The following HERC1 variants were observed in gnomAD, a reference collection of about 807,000 sequenced individuals.
The protein encoded by HERC1 is probable E3 ubiquitin-protein ligase HERC1.
HERC1 carries 160 observed loss-of-function variants against 554.3 expected under a neutral mutation model. The ratio of observed to expected loss-of-function variants is 0.29; its 90% CI spans 0.25 to 0.33. The LOEUF (loss-of-function observed/expected upper bound fraction) is 0.33, where lower values mean the gene tolerates loss of function less well. HERC1 is among the 10% of genes least tolerant of loss of function. HERC1 has a pLI of 1.00. For missense variants in HERC1, 4,919 were observed against 5,918.5 expected (o/e 0.83, Z 5.54); for synonymous variants, 2,175 against 2,131.7 (o/e 1.02, Z -0.56).
chr15:63,821,538 G>A (rs1247841718), intron 1 of HERC1, among the ~76,000 whole-genome samples: 1 of 141,166 alleles, frequency 7.1e-6, no homozygotes, highest in Non-Finnish European at 1.5e-5. Context: ...CCTGGTAACA[G>A]AGTGAGACTC....
intron 3 of HERC1, among the ~76,000 whole-genome samples, chr15:63,761,191 C>T (rs9672729): frequency 0.26 from 39,424 of 151,964 alleles, 5,630 homozygotes; most frequent in Middle Eastern, 0.38. Flanking sequence ...GAGAATGACC[C>T]TCAAACTATC....
rs2074010573 is a variant in HERC1 at position 63,725,654 on chromosome 15, G to A, written c.3347-141C>T. On this transcript the variant is annotated intron_variant, in intron 17 of 77. Coordinates refer to ENST00000443617, the MANE Select transcript of HERC1 (RefSeq NM_003922.4). ...GAAAACACAAATTATAATACTTTCT[G>A]TATTTTTTCTCTTTACCAGACTGAT... is the stretch of plus-strand genomic sequence containing the variant. 3 of 648,512 alleles carry A rather than the reference G, an allele frequency of 4.6e-6. No individual in the cohort carries two copies. The South Asian group carries it at 6.1e-5, about 13-fold the overall frequency. 40.2% of individuals were successfully genotyped at this position (648,512 alleles called of 1,614,324 possible). A position where few individuals can be genotyped will look rare whatever the true frequency, so the allele number is the denominator to read the frequency against.
rs572352720 is a variant in HERC1, at chr15:63,746,543, T to C, written c.2520+375A>G. ...TAGCTCTGGTTACAGTTCTAGTAGA[T>C]GATCCAGTCCACTTATTCAGTTACT... On this transcript the variant is annotated intron_variant, in intron 12 of 77. Coordinates refer to ENST00000443617, the MANE Select transcript of HERC1 (RefSeq NM_003922.4). 1.3e-4 allele frequency among the ~76,000 whole-genome samples: 20 copies of C among 152,352 alleles called. No individual in the cohort carries two copies. In the South Asian group the frequency reaches 3.5e-3, roughly 27 times the overall value.
In HERC1 at chr15:63,662,027, C is replaced by CA; in HGVS notation, c.8902-7dup. 1 of 1,606,450 alleles carries CA rather than the reference C, an allele frequency of 6.2e-7. No individual in the cohort carries two copies. The highest frequency in any genetic ancestry group is 8.5e-7 in the Non-Finnish European group (1 of 1,173,610). On this transcript the variant is annotated splice_polypyrimidine_tract_variant and splice_region_variant and intron_variant, in intron 44 of 77. Coordinates refer to ENST00000443617, the MANE Select transcript of HERC1 (RefSeq NM_003922.4). The stretch of plus-strand genomic sequence containing the variant: ...TCTTCAGACTCACAAACATGCTGCA[C>CA]AAAAGGATTTCATACCAAATGATTA...
chr15:63,657,448 G>T (rs574237837), intron 48 of HERC1, among the ~76,000 whole-genome samples: 5 of 151,918 alleles, frequency 3.3e-5, no homozygotes, highest in African/African-American at 1.2e-4. Context: ...CCTCTTTTGT[G>T]AAACACTTCT....
intron 54 of HERC1, 36 bp from the exon 55 acceptor site, chr15:63,648,235 A>C: frequency 6.4e-7 from 1 of 1,564,654 alleles, no homozygotes; most frequent in South Asian, 1.2e-5. Flanking sequence ...AGGAAAAGAT[A>C]ATTATTTGTC....
chr15:63,690,288 TAAGA>T (rs1030139613), intron 32 of HERC1, among the ~76,000 whole-genome samples: 7 of 152,154 alleles, frequency 4.6e-5, no homozygotes, highest in African/African-American at 1.7e-4. Context: ...CCAAACCTAG[TAAGA>T]AATTCCAGAT....
At chr15:63,738,614 C>G (rs146534491) in intron 12 of HERC1, among the ~76,000 whole-genome samples, 1 of 151,974 alleles carries the variant, frequency 6.6e-6, no homozygotes, top group Non-Finnish European at 1.5e-5. Flanking sequence ...GGAAAGCATA[C>G]AAGAAACAGC....
intron 73 of HERC1, 66 bp from the exon 74 acceptor site, chr15:63,622,957 T>C: frequency 3.5e-6 from 3 of 856,912 alleles, no homozygotes; most frequent in Non-Finnish European, 5.5e-6. Flanking sequence ...ACAAACCAAT[T>C]ACAAGATCAT....
chr15:63,717,526 T>C (rs1392988969), intron 21 of HERC1, among the ~76,000 whole-genome samples: 1 of 152,206 alleles, frequency 6.6e-6, no homozygotes, highest in Non-Finnish European at 1.5e-5. Context: ...ATTATCTCCT[T>C]TTTGCTGCAA....
chr15:63,618,731 T>G (rs2067935359), intron 74 of HERC1, among the ~76,000 whole-genome samples: 1 of 152,206 alleles, frequency 6.6e-6, no homozygotes, highest in South Asian at 2.1e-4. Flanking sequence ...CCCTTGTAAG[T>G]TGGATTCCTA....
At chr15:63,681,664 T>C (rs2153001494) in intron 34 of HERC1, among the ~76,000 whole-genome samples, 1 of 152,306 alleles carries the variant, frequency 6.6e-6, no homozygotes, top group Middle Eastern at 3.4e-3. Context: ...ATGTGGTTTA[T>C]GCTGAATACC....
At chr15:63,771,831 G>A (rs781241547) in intron 2 of HERC1, among the ~76,000 whole-genome samples, 15 of 152,008 alleles carry the variant, frequency 9.9e-5, no homozygotes, top group Non-Finnish European at 1.8e-4. Flanking sequence ...CCTGACTAGC[G>A]AATTTGCTAT....
Position 63,643,052 on chromosome 15 carries a change from A to T in HERC1, c.11338T>A (p.Ser3780Thr). 1 of 1,602,712 alleles carries T rather than the reference A, an allele frequency of 6.2e-7. No individual in the cohort carries two copies. Among genetic ancestry groups the T allele is most frequent in the South Asian group, 1.1e-5 (1 of 90,390 alleles). Residue 3780 changes from serine (S) to threonine (T), a missense_variant, in exon 59 of 78, where the codon TCT (serine) becomes ACT (threonine). By Grantham distance (58) the Ser-to-Thr change is moderately conservative. Coordinates refer to ENST00000443617, the MANE Select transcript of HERC1 (RefSeq NM_003922.4). The part of the protein sequence containing the change: ...LMNIWSLRDG[S>T]VLQTVVIGSG... Reference sequence around the variant, plus strand: ...CCTATCACAACAGTTTGCAAGACAGAGCCATCCTAAAATGAGATATATTTA... The same window carrying T: ...CCTATCACAACAGTTTGCAAGACAGTGCCATCCTAAAATGAGATATATTTA...
At chr15:63,661,216 G>A (rs1566983985) in intron 45 of HERC1, among the ~76,000 whole-genome samples, 191 bp from the exon 46 acceptor site, 1 of 152,158 alleles carries the variant, frequency 6.6e-6, no homozygotes, top group Non-Finnish European at 1.5e-5. Context: ...CAAAATCAAT[G>A]ATTATTTTAC....
At position 63,804,713 on chromosome 15, in the gene HERC1, G is replaced by A. The variant is rs186679252; in HGVS notation, c.-26-29064C>T. On this transcript the variant is annotated intron_variant, in intron 1 of 77. Coordinates refer to ENST00000443617, the MANE Select transcript of HERC1 (RefSeq NM_003922.4). ...TTTTGTAAAACATATCCAATGAGAC[G>A]TGTATCAAGAATATATAAAAAGAAC... Among the ~76,000 whole-genome samples, 501 of 152,148 alleles carry A rather than the reference G, an allele frequency of 3.3e-3. 2 individuals are homozygous for A. The highest frequency in any genetic ancestry group is 4.8e-3 in the Admixed American group (74 of 15,290).
chr15:63,664,394 T>C, intron 43 of HERC1, 76 bp downstream of exon 43: 2 of 1,377,790 alleles, frequency 1.5e-6, no homozygotes, highest in Middle Eastern at 1.9e-4. Flanking sequence ...TTAGTTTGAA[T>C]CTTCTTTAAT....
chr15:63,779,692 A>T (rs1411292670), intron 1 of HERC1: 1 of 152,196 alleles, frequency 6.6e-6, no homozygotes, highest in Non-Finnish European at 1.5e-5. Context: ...TGTTCTGATG[A>T]CTGGTAAGGC....
At chr15:63,762,851 G>A (rs972786094) in intron 3 of HERC1, among the ~76,000 whole-genome samples, 2 of 152,184 alleles carry the variant, frequency 1.3e-5, no homozygotes, top group Non-Finnish European at 2.9e-5. Context: ...GGAAACTGAG[G>A]CAGGGCTTGC....
Sources: gnomAD v4.1 joint callset for allele counts (sites outside exome capture counted in the v4.1 genomes callset) on GRCh38, gnomAD v4.1.1 for gene constraint, MANE v1.5 for transcripts, NCBI Gene and HGNC (gene_info 2026-07-23, HGNC 2026-07-21) for gene names.